The following SDK1 variants were observed in gnomAD, a reference collection of about 807,000 sequenced individuals.
The protein encoded by SDK1 is sidekick cell adhesion molecule 1, also known as protein sidekick-1.
A neutral mutation model predicts 245.5 loss-of-function variants in SDK1; 157 were observed. That is an observed-to-expected ratio of 0.64 (90% confidence interval 0.56 to 0.73). The LOEUF (loss-of-function observed/expected upper bound fraction) is 0.73, where lower values mean the gene tolerates loss of function less well. Among genes scored for constraint, SDK1 ranks in the 30% least tolerant of loss-of-function variants. The pLI is 0.00. For synonymous variants in SDK1, 1,647 were observed against 1,278.5 expected, an observed-to-expected ratio of 1.29 and a Z score of -6.15; for missense variants, 3,583 against 3,002.3, an observed-to-expected ratio of 1.19 and a Z score of -4.52.
intron 1 of SDK1, among the ~76,000 whole-genome samples, chr7:3,307,387 A>G (rs1779443044): frequency 1.3e-5 from 2 of 152,204 alleles, no homozygotes; most frequent in African/African-American, 4.8e-5. Context: ...CTGAAATGCA[A>G]AAGTCTGTCA....
At chr7:4,108,518 G>T (rs1243077926) in intron 22 of SDK1, among the ~76,000 whole-genome samples, 2 of 152,074 alleles carry the variant, frequency 1.3e-5, no homozygotes, top group African/African-American at 4.8e-5. Flanking sequence ...TTTGCCTCTG[G>T]CTGTGCAAGC....
intron 4 of SDK1, among the ~76,000 whole-genome samples, chr7:3,655,302 G>A (rs536819334): frequency 2.0e-5 from 3 of 150,516 alleles, no homozygotes; most frequent in South Asian, 2.1e-4. Context: ...ACGTGGTGGC[G>A]GGTGCTTGTA....
At chr7:3,793,172 G>T (rs188605719) in intron 4 of SDK1, among the ~76,000 whole-genome samples, 212 of 152,058 alleles carry the variant, frequency 1.4e-3, no homozygotes, top group Non-Finnish European at 1.4e-3. Flanking sequence ...TCCATGTAAG[G>T]GTTATAATTT....
At chr7:4,057,993 A>G (rs190066095) in intron 19 of SDK1, among the ~76,000 whole-genome samples, 1 of 152,206 alleles carries the variant, frequency 6.6e-6, no homozygotes, top group African/African-American at 2.4e-5. Flanking sequence ...CACAAGAAAT[A>G]TGAAAATGCA....
At chr7:4,110,573 T>C in intron 22 of SDK1, 90 bp from the exon 23 acceptor site, 1 of 913,070 alleles carries the variant, frequency 1.1e-6, no homozygotes, top group Non-Finnish European at 1.8e-6. Flanking sequence ...CCTGCCCAGC[T>C]CACCAGGTAC....
At chr7:3,552,945 A>T (rs922993539) in intron 1 of SDK1, among the ~76,000 whole-genome samples, 2 of 152,210 alleles carry the variant, frequency 1.3e-5, no homozygotes, top group Non-Finnish European at 2.9e-5. Context: ...ACACAGTTAT[A>T]AGTTGTATAT....
chr7:4,086,369 G>A lies in SDK1; in HGVS notation c.3324+6785G>A, dbSNP rs544003170. 3.4e-4 allele frequency among the ~76,000 whole-genome samples: 52 copies of A among 152,330 alleles called. No homozygotes were observed. In the South Asian group the frequency reaches 4.8e-3, roughly 14 times the overall value. On this transcript the variant is annotated intron_variant, in intron 22 of 44. Transcript: ENST00000404826. Reference sequence around the variant, plus strand: ...TGTCATCTTCTAGTTCTGCAGGTCAGAAGTCCAGCATGGGTCTCACCAGAG... The same window carrying A: ...TGTCATCTTCTAGTTCTGCAGGTCAAAAGTCCAGCATGGGTCTCACCAGAG...
intron 1 of SDK1, among the ~76,000 whole-genome samples, chr7:3,497,137 TAA>T (rs1782049662): frequency 6.6e-6 from 1 of 152,188 alleles, no homozygotes; most frequent in Non-Finnish European, 1.5e-5. Flanking sequence ...CATTTTAATC[TAA>T]GACTTAACTA....
intron 1 of SDK1, among the ~76,000 whole-genome samples, chr7:3,476,681 CTT>C (rs1781356577): frequency 1.3e-5 from 2 of 152,142 alleles, no homozygotes; most frequent in Non-Finnish European, 2.9e-5. Flanking sequence ...TTGTCAGTCA[CTT>C]TGTAGTGAAC....
At chr7:3,908,060 G>A (rs751346311) in intron 5 of SDK1, among the ~76,000 whole-genome samples, 1 of 152,162 alleles carries the variant, frequency 6.6e-6, no homozygotes, top group Admixed American at 6.5e-5. Context: ...TCTTCTCTGC[G>A]GCTTAGCTTT....
chr7:3,609,832 C>G (rs1259883387), intron 1 of SDK1, among the ~76,000 whole-genome samples: 1 of 152,054 alleles, frequency 6.6e-6, no homozygotes, highest in Non-Finnish European at 1.5e-5. Flanking sequence ...TCACAGGTAG[C>G]TGGGACCACA....
intron 1 of SDK1, among the ~76,000 whole-genome samples, chr7:3,427,166 C>A (rs1341491205): frequency 6.6e-6 from 1 of 152,096 alleles, no homozygotes; most frequent in Admixed American, 6.5e-5. Context: ...ATTAAAAATT[C>A]TCTGTCAGTG....
At chr7:3,925,479 A>G (rs1779735170) in intron 5 of SDK1, among the ~76,000 whole-genome samples, 2 of 152,328 alleles carry the variant, frequency 1.3e-5, no homozygotes, top group South Asian at 2.1e-4. Context: ...GACTGCCTCT[A>G]TGAATCTCTC....
chr7:3,943,028 G>C (rs1022561872), intron 5 of SDK1, among the ~76,000 whole-genome samples: 1 of 152,190 alleles, frequency 6.6e-6, no homozygotes, highest in Non-Finnish European at 1.5e-5. Flanking sequence ...GTCCCTGTTC[G>C]AGCTGGCTGC....
chr7:3,474,102 T>G (rs1199371331), intron 1 of SDK1, among the ~76,000 whole-genome samples: 4 of 129,638 alleles, frequency 3.1e-5, no homozygotes, highest in Admixed American at 7.8e-5. Flanking sequence ...TTTTTTTTTT[T>G]TTTTTTTTTT....
At chr7:3,646,344 CA>C (rs1402777406) in intron 4 of SDK1, among the ~76,000 whole-genome samples, 1 of 150,512 alleles carries the variant, frequency 6.6e-6, no homozygotes, top group Non-Finnish European at 1.5e-5. Context: ...TCAAGGGAAA[CA>C]GTAAGTCTAA....
chr7:4,052,280 T>A (rs1362502763), intron 19 of SDK1, among the ~76,000 whole-genome samples: 2 of 151,484 alleles, frequency 1.3e-5, no homozygotes, highest in African/African-American at 4.9e-5. Flanking sequence ...ATCTGGTCAG[T>A]TCGAAGCCAC....
chr7:3,807,536 G>C (rs1427916052), intron 4 of SDK1, among the ~76,000 whole-genome samples: 1 of 152,130 alleles, frequency 6.6e-6, no homozygotes, highest in Non-Finnish European at 1.5e-5. Flanking sequence ...TCTGATTGGA[G>C]ACCTATAGAA....
At chr7:3,394,485 T>C (rs1781842036) in intron 1 of SDK1, among the ~76,000 whole-genome samples, 1 of 152,148 alleles carries the variant, frequency 6.6e-6, no homozygotes, top group Non-Finnish European at 1.5e-5. Context: ...TTTTTCAAAA[T>C]TGTTTTGATT....
Sources: gnomAD v4.1 joint callset for allele counts (sites outside exome capture counted in the v4.1 genomes callset) on GRCh38, gnomAD v4.1.1 for gene constraint, MANE v1.5 for transcripts, NCBI Gene and HGNC (gene_info 2026-07-23, HGNC 2026-07-21) for gene names.